The following NEK11 variants were observed in gnomAD, a reference collection of about 807,000 sequenced individuals.
NEK11 encodes the protein NIMA related kinase 11.
Under a neutral mutation model 80.7 loss-of-function variants are expected in NEK11, and 72 were observed. The observed-to-expected ratio is 0.89, with a 90% confidence interval of 0.74 to 1.08. The LOEUF (loss-of-function observed/expected upper bound fraction) is 1.08, where lower values mean the gene tolerates loss of function less well. NEK11 is among the 50% of genes least tolerant of loss of function. NEK11 has a pLI of 0.00. For synonymous variants in NEK11, 251 were observed against 260.7 expected, an observed-to-expected ratio of 0.96 and a Z score of 0.36; for missense variants, 764 against 763.6, an observed-to-expected ratio of 1.00 and a Z score of -0.01.
At chr3:131,304,505 T>C (rs2096701046) in intron 17 of NEK11, among the ~76,000 whole-genome samples, 1 of 152,162 alleles carries the variant, frequency 6.6e-6, no homozygotes, top group East Asian at 1.9e-4. Flanking sequence ...CTTGTGCTGG[T>C]TCTTTCTCAT....
intron 17 of NEK11, among the ~76,000 whole-genome samples, chr3:131,344,836 A>G (rs2097337810): frequency 6.6e-6 from 1 of 152,144 alleles, no homozygotes; most frequent in Admixed American, 6.5e-5. Context: ...ATTCCCTATC[A>G]CAAGGACAGC....
At chr3:131,200,424 C>G (rs1000119539) in intron 14 of NEK11, among the ~76,000 whole-genome samples, 7 of 152,168 alleles carry the variant, frequency 4.6e-5, no homozygotes, top group African/African-American at 1.4e-4. Context: ...GAAAATAGCT[C>G]TTGGCATCTT....
chr3:131,132,765 TAAAGTC>T lies in NEK11; in HGVS notation c.481_486del (p.Ser161_Lys162del). 6.5e-7 allele frequency: 1 copy of T among 1,533,366 alleles called. No homozygotes were observed. The highest frequency in any genetic ancestry group is 8.9e-7 in the Non-Finnish European group (1 of 1,124,360). The allele number at this position is 1,533,366 out of a possible 1,614,324, so 95.0% of individuals were successfully genotyped here. ...TGTAGGAGGATACTTCATCGAGACT[TAAAGTC>T]AAAGAATGTATTTCTGAAAAATAAT... is the stretch of plus-strand genomic sequence containing the variant. On this transcript the variant is annotated inframe_deletion, in exon 6 of 18. Transcript: ENST00000383366.
At chr3:131,322,852 C>CTTGT (rs758636387) in intron 17 of NEK11, among the ~76,000 whole-genome samples, 15 of 152,312 alleles carry the variant, frequency 9.8e-5, no homozygotes, top group South Asian at 2.1e-4. Flanking sequence ...TTGCTCTCTC[C>CTTGT]TTGTTTGAAT....
chr3:131,318,317 A>G (rs945501392), intron 17 of NEK11, among the ~76,000 whole-genome samples: 2 of 152,218 alleles, frequency 1.3e-5, no homozygotes, highest in African/African-American at 4.8e-5. Context: ...AAAATGAAGC[A>G]GTTACTTTCA....
chr3:131,326,634 C>T (rs895569220), intron 17 of NEK11, among the ~76,000 whole-genome samples: 3 of 152,302 alleles, frequency 2.0e-5, no homozygotes, highest in South Asian at 4.1e-4. Flanking sequence ...ACCACCTATA[C>T]TATCCCTAAA....
intron 14 of NEK11, among the ~76,000 whole-genome samples, chr3:131,208,510 G>C (rs986703656): frequency 6.6e-6 from 1 of 152,156 alleles, no homozygotes; most frequent in Non-Finnish European, 1.5e-5. Flanking sequence ...GAAAGTCATT[G>C]GTAGCTTGAT....
intron 16 of NEK11, among the ~76,000 whole-genome samples, chr3:131,270,942 T>G (rs891561739): frequency 1.3e-5 from 2 of 151,892 alleles, no homozygotes; most frequent in Non-Finnish European, 2.9e-5. Flanking sequence ...CATGGTATGG[T>G]TGGTGTTGTT....
chr3:131,115,298 T>G (rs1027394458), intron 5 of NEK11, among the ~76,000 whole-genome samples: 1 of 152,198 alleles, frequency 6.6e-6, no homozygotes, highest in Non-Finnish European at 1.5e-5. Flanking sequence ...ATTACACTAT[T>G]GGCTTTCCTG....
At chr3:131,220,108 G>GT (rs1239858598) in intron 14 of NEK11, among the ~76,000 whole-genome samples, 1 of 152,036 alleles carries the variant, frequency 6.6e-6, no homozygotes, top group Admixed American at 6.6e-5. Context: ...TTTCTTTTTG[G>GT]TTTTTTGTTT....
intron 17 of NEK11, among the ~76,000 whole-genome samples, chr3:131,299,577 T>C (rs777385322): frequency 7.9e-5 from 12 of 152,226 alleles, no homozygotes; most frequent in Non-Finnish European, 1.8e-4. Context: ...CTTCTTTGTG[T>C]TCATGTATAC....
chr3:131,163,454 C>T (rs975555837), intron 11 of NEK11, among the ~76,000 whole-genome samples: 3 of 151,934 alleles, frequency 2.0e-5, no homozygotes, highest in African/African-American at 7.3e-5. Context: ...ATGGATGAAC[C>T]TGGAGGACAT....
intron 3 of NEK11, among the ~76,000 whole-genome samples, chr3:131,070,839 TGG>T (rs1167131316): frequency 6.6e-6 from 1 of 152,186 alleles, no homozygotes; most frequent in African/African-American, 2.4e-5. Flanking sequence ...AAGAGGTAAA[TGG>T]TGGCTCCATT....
In NEK11 at chr3:131,071,924, A is replaced by G. The variant is rs1428019944; in HGVS notation, c.171-8499A>G. ...CTTACCTTTCTTCTAATCTTTTTAT[A>G]CAGCATAGCTATACCTAAATAACTT... On this transcript the variant is annotated intron_variant, in intron 3 of 17. Coordinates refer to ENST00000383366, the MANE Select transcript of NEK11 (RefSeq NM_024800.5). 2.0e-5 allele frequency among the ~76,000 whole-genome samples: 3 copies of G among 152,234 alleles called. No individual in the cohort carries two copies. In the East Asian group the frequency reaches 5.8e-4, roughly 29 times the overall value.
At chr3:131,085,649 T>C (rs556759078) in intron 4 of NEK11, among the ~76,000 whole-genome samples, 1 of 152,296 alleles carries the variant, frequency 6.6e-6, no homozygotes, top group South Asian at 2.1e-4. Context: ...AATGGAATGA[T>C]GTGATAAAAG....
At chr3:131,233,314 C>T (rs113487361) in intron 15 of NEK11, among the ~76,000 whole-genome samples, 1 of 152,284 alleles carries the variant, frequency 6.6e-6, no homozygotes, top group African/African-American at 2.4e-5. Flanking sequence ...AGAGCAGGGC[C>T]TCAGCGTGGA....
rs113435470 is a variant in NEK11 at position 131,254,935 on chromosome 3, G to A, written c.1621+11439G>A. ...CTCAGAAGGCTGAGGCAGGAGAATC[G>A]CTTTAACCCAAGAGGTGGAGGTTGC... On this transcript the variant is annotated intron_variant, in intron 16 of 17. Coordinates refer to ENST00000383366, the MANE Select transcript of NEK11 (RefSeq NM_024800.5). Among the ~76,000 whole-genome samples the A allele has an allele frequency of 4.6e-3, 700 of 151,844 alleles. 5 individuals are homozygous for A. Among genetic ancestry groups the A allele is most frequent in the African/African-American group, 0.016 (663 of 41,394 alleles).
At chr3:131,271,663 C>T (rs190413566) in intron 16 of NEK11, among the ~76,000 whole-genome samples, 9 of 151,992 alleles carry the variant, frequency 5.9e-5, no homozygotes, top group Admixed American at 1.3e-4. Flanking sequence ...GGCTTGGTGG[C>T]GGGAGCCTGT....
chr3:131,253,585 G>T (rs578158949), intron 16 of NEK11, among the ~76,000 whole-genome samples: 132 of 152,110 alleles, frequency 8.7e-4, no homozygotes, highest in Non-Finnish European at 1.7e-3. Flanking sequence ...TGCATTATAA[G>T]CCAAATGTCA....
Sources: allele counts gnomAD v4.1 joint callset (sites outside exome capture counted in the v4.1 genomes callset), GRCh38; gene constraint gnomAD v4.1.1; transcripts MANE v1.5; gene names NCBI Gene and HGNC (gene_info 2026-07-23, HGNC 2026-07-21).